ADCY7: variants seen among roughly 807,000 people sequenced by gnomAD.
The protein encoded by ADCY7 is adenylate cyclase 7, also known as adenylate cyclase type 7.
ADCY7 carries 72 observed loss-of-function variants against 120.6 expected under a neutral mutation model. The observed-to-expected ratio is 0.60, with a 90% CI of 0.49 to 0.73. The LOEUF (loss-of-function observed/expected upper bound fraction) is 0.73, where lower values mean the gene tolerates loss of function less well. Ranked by LOEUF, ADCY7 falls within the 30% of genes least tolerant of loss-of-function variation. The pLI is 0.00. For synonymous variants in ADCY7, 661 were observed against 628.0 expected, an observed-to-expected ratio of 1.05 and a Z score of -0.78; for missense variants, 1,227 against 1,486.0, an observed-to-expected ratio of 0.83 and a Z score of 2.87.
At chr16:50,311,809 C>CG (rs745494382) in intron 20 of ADCY7, 23 bp downstream of exon 20, 4 of 1,338,358 alleles carry the variant, frequency 3.0e-6, no homozygotes, top group East Asian at 5.8e-5. Context: ...GCCCCCCCCC[C>CG]CCCCCCAAGC....
Position 50,294,788 on chromosome 16 carries a change from C to T in ADCY7, c.948+37C>T, listed in dbSNP as rs144754359. ...GGCCTACAATGGGCAAAGCCAGGCC[C>T]CTCCCCTGCCTATTACACCCCAGGG... On this transcript the variant is annotated intron_variant, in intron 7 of 25. Coordinates refer to ENST00000673801, the MANE Select transcript of ADCY7 (RefSeq NM_001114.5). 5.2e-4 allele frequency: 763 copies of T among 1,468,554 alleles called. 5 individuals are homozygous for T. The African/African-American group carries it at 9.2e-3, about 18-fold the overall frequency. 91.0% of individuals were successfully genotyped at this position (1,468,554 alleles called of 1,614,324 possible). A position where few individuals can be genotyped will look rare whatever the true frequency, so the allele number is the denominator to read the frequency against.
chr16:50,305,041 G>A, intron 12 of ADCY7, 82 bp downstream of exon 12: 1 of 1,563,514 alleles, frequency 6.4e-7, no homozygotes, highest in East Asian at 2.2e-5. Flanking sequence ...CTGTCCAGTG[G>A]GCAGCTCCGC....
intron 7 of ADCY7, 104 bp from the exon 8 acceptor site, chr16:50,298,800 C>T (rs1445066218): frequency 2.0e-6 from 3 of 1,492,184 alleles, no homozygotes; most frequent in African/African-American, 2.8e-5. Context: ...AAGCCCCCAG[C>T]CAGGAGAGAG....
At chr16:50,285,455 G>C (rs976880776) in intron 1 of ADCY7, among the ~76,000 whole-genome samples, 1 of 152,264 alleles carries the variant, frequency 6.6e-6, no homozygotes, top group African/African-American at 2.4e-5. Flanking sequence ...ATACTAGCAG[G>C]TGCTGGTTGG....
chr16:50,298,969 G>A lies in ADCY7; in HGVS notation c.1014G>A (p.Val338=), dbSNP rs1436563493. 5 of 1,613,740 alleles carry A rather than the reference G, an allele frequency of 3.1e-6. No individual in the cohort carries two copies. Among genetic ancestry groups the A allele is most frequent in the Non-Finnish European group, 4.2e-6 (5 of 1,180,024 alleles). Residue 338 remains valine, a synonymous_variant, in exon 8 of 26, where the codon GTG becomes GTA. Coordinates refer to ENST00000673801, the MANE Select transcript of ADCY7 (RefSeq NM_001114.5). ...DCYYCVSGLP[V]SLPTHARNCV... ...ACTACTGTGTATCGGGCCTGCCCGT[G>A]TCGCTGCCTACCCACGCCCGGAACT...
chr16:50,274,239 T>C (rs2150854794), intron 1 of ADCY7: 1 of 151,544 alleles, frequency 6.6e-6, no homozygotes, highest in East Asian at 2.0e-4. Flanking sequence ...GGGTCCTGGG[T>C]AGGTGTGGGA....
At chr16:50,309,502 C>T (rs1187303465) in intron 17 of ADCY7, 46 bp from the exon 18 acceptor site, 2 of 1,544,130 alleles carry the variant, frequency 1.3e-6, no homozygotes, top group Non-Finnish European at 8.9e-7. Context: ...TGGGCAGGTT[C>T]CAGCGTTCTT....
intron 11 of ADCY7, 115 bp downstream of exon 11, chr16:50,304,666 G>T: frequency 8.5e-7 from 1 of 1,172,626 alleles, no homozygotes; most frequent in Admixed American, 2.5e-5. Flanking sequence ...CTGTAAAATG[G>T]CCACAGCCTC....
Position 50,287,991 on chromosome 16 carries a change from C to G in ADCY7, c.-189C>G. 1 of 573,658 alleles carries G rather than the reference C, an allele frequency of 1.7e-6. No individual in the cohort carries two copies. The highest frequency in any genetic ancestry group is 2.9e-6 in the Non-Finnish European group (1 of 343,798). 35.5% of individuals were successfully genotyped at this position (573,658 alleles called of 1,614,324 possible). ...GCGGCACAGTGAGTGAGGCCTGGTG[C>G]CAGAGCTGTGCGGACCCCTTGTTGG... On this transcript the variant is annotated 5_prime_UTR_variant, in exon 2 of 26. Coordinates refer to ENST00000673801, the MANE Select transcript of ADCY7 (RefSeq NM_001114.5).
chr16:50,309,753 G>A, intron 18 of ADCY7, 107 bp downstream of exon 18: 1 of 967,154 alleles, frequency 1.0e-6, no homozygotes, highest in Non-Finnish European at 1.5e-6. Context: ...TGAGAGCACA[G>A]CATGTGGAGG....
chr16:50,294,627 G>T lies in ADCY7; in HGVS notation c.837-13G>T, dbSNP rs757913959. On this transcript the variant is annotated splice_polypyrimidine_tract_variant and intron_variant, in intron 6 of 25. Transcript: ENST00000673801. ...TGGCTCTGACACTCCCTCCCACCCT[G>T]CCCCATCCCCAGCATCCTCTATGCG... 19 of 1,287,364 alleles carry T rather than the reference G, an allele frequency of 1.5e-5. No homozygotes were observed. The highest frequency in any genetic ancestry group is 2.0e-5 in the Non-Finnish European group (18 of 891,666). The allele number at this position is 1,287,364 out of a possible 1,614,324, so 79.7% of individuals were successfully genotyped here.
At chr16:50,282,463 G>A (rs1242638455) in intron 1 of ADCY7, among the ~76,000 whole-genome samples, 2 of 152,180 alleles carry the variant, frequency 1.3e-5, no homozygotes, top group African/African-American at 4.8e-5. Context: ...ATAAGGGAGT[G>A]TGTGTGGGGT....
At chr16:50,271,846 T>A (rs1284725217) in intron 1 of ADCY7, among the ~76,000 whole-genome samples, 1 of 152,182 alleles carries the variant, frequency 6.6e-6, no homozygotes, top group African/African-American at 2.4e-5. Context: ...GCTCTTGAGC[T>A]GTTCACTCAG....
chr16:50,274,962 C>G (rs1161735978), intron 1 of ADCY7, among the ~76,000 whole-genome samples: 1 of 152,204 alleles, frequency 6.6e-6, no homozygotes, highest in Non-Finnish European at 1.5e-5. Context: ...GGGCTCTATT[C>G]CCTGCACTGT....
chr16:50,301,370 T>G (rs554376118), intron 10 of ADCY7, among the ~76,000 whole-genome samples, 156 bp downstream of exon 10: 16 of 152,194 alleles, frequency 1.1e-4, no homozygotes, highest in Admixed American at 5.2e-4. Context: ...CCCAGGCACA[T>G]TCTAGGCACC....
rs1336860543 is a variant in ADCY7 at position 50,304,560 on chromosome 16, C to T, written c.1560+9C>T. On this transcript the variant is annotated intron_variant, in intron 11 of 25. Transcript: ENST00000673801. ...ACGGGCGGAGGCCTAAGGTAGGTCC[C>T]CCTCCCACCCAGAAAGCCAGGGATT... The T allele has an allele frequency of 6.6e-7, 1 of 1,523,602 alleles. No individual in the cohort carries two copies. Among genetic ancestry groups the T allele is most frequent in the African/African-American group, 1.4e-5 (1 of 72,018 alleles). 94.4% of individuals were successfully genotyped at this position (1,523,602 alleles called of 1,614,324 possible).
At position 50,266,653 on chromosome 16, in the gene ADCY7, G is replaced by C. The variant is rs977821388; in HGVS notation, c.-296G>C. 1 of 153,060 alleles carries C rather than the reference G, an allele frequency of 6.5e-6. No homozygotes were observed. Among genetic ancestry groups the C allele is most frequent in the Non-Finnish European group, 1.5e-5 (1 of 68,526 alleles). 9.5% of individuals were successfully genotyped at this position (153,060 alleles called of 1,614,324 possible). Reference sequence around the variant, plus strand: ...GGCCACCTCCCTGCAGACCCTGGCCGGCTGCTGGGGCCGGGGAGGAGAGCC... The same window carrying C: ...GGCCACCTCCCTGCAGACCCTGGCCCGCTGCTGGGGCCGGGGAGGAGAGCC... On this transcript the variant is annotated 5_prime_UTR_variant, in exon 1 of 26. Transcript: ENST00000673801.
At chr16:50,247,760 G>A (rs4268746) in intron 1 of ADCY7, among the ~76,000 whole-genome samples, 108,869 of 151,922 alleles carry the variant, frequency 0.72, 40,396 homozygotes, top group East Asian at 0.92. Flanking sequence ...GTGGCTGGGA[G>A]CCTGGCTTCG....
At chr16:50,303,885 G>A (rs868076157) in intron 10 of ADCY7, among the ~76,000 whole-genome samples, 15 of 152,208 alleles carry the variant, frequency 9.9e-5, no homozygotes, top group African/African-American at 2.2e-4. Flanking sequence ...AATGCGTGCC[G>A]GCCACACGTG....
Sources: allele counts gnomAD v4.1 joint callset (sites outside exome capture counted in the v4.1 genomes callset), GRCh38; gene constraint gnomAD v4.1.1; transcripts MANE v1.5; gene names NCBI Gene and HGNC (gene_info 2026-07-23, HGNC 2026-07-21).